The following LINGO2 variants were observed in gnomAD, a reference collection of about 807,000 sequenced individuals.
The protein encoded by LINGO2 is leucine rich repeat and Ig domain containing 2, also known as leucine-rich repeat and immunoglobulin-like domain-containing nogo receptor-interacting protein 2.
LINGO2 carries 14 observed loss-of-function variants against 30.6 expected under a neutral mutation model. The ratio of observed to expected loss-of-function variants is 0.46; its 90% confidence interval spans 0.30 to 0.72. The LOEUF (loss-of-function observed/expected upper bound fraction) is 0.72, where lower values mean the gene tolerates loss of function less well. LINGO2 is among the 30% of genes least tolerant of loss of function. The pLI, the probability that LINGO2 is intolerant of heterozygous loss-of-function variation, is 0.07. For synonymous variants in LINGO2, 317 were observed against 288.5 expected, an observed-to-expected ratio of 1.10 and a Z score of -1.00; for missense variants, 729 against 751.7, an observed-to-expected ratio of 0.97 and a Z score of 0.35.
At chr9:28,899,431 C>A in the LINGO2 span, among the ~76,000 whole-genome samples, 1 of 152,200 alleles carries the variant, frequency 6.6e-6, no homozygotes, top group Non-Finnish European at 1.5e-5. Flanking sequence ...CAGGCCTTCT[C>A]CAGGGTTAGG....
the LINGO2 span, among the ~76,000 whole-genome samples, chr9:28,962,173 A>C: frequency 6.6e-6 from 1 of 152,134 alleles, no homozygotes; most frequent in African/African-American, 2.4e-5. Context: ...ATTTCCTAAA[A>C]AGATTAGCCA....
chr9:28,948,844 A>T, the LINGO2 span, among the ~76,000 whole-genome samples: 1 of 151,998 alleles, frequency 6.6e-6, no homozygotes, highest in Non-Finnish European at 1.5e-5. Flanking sequence ...GCACTCTCTT[A>T]GTGCGTTCCT....
chr9:28,562,306 A>T (rs374389514), intron 1 of LINGO2, among the ~76,000 whole-genome samples: 280 of 151,988 alleles, frequency 1.8e-3, no homozygotes, highest in Admixed American at 3.3e-3. Context: ...TCTATTGGTG[A>T]ATTATTCTCA....
intron 1 of LINGO2, among the ~76,000 whole-genome samples, chr9:28,491,860 G>A (rs1489291758): frequency 1.3e-5 from 2 of 152,192 alleles, no homozygotes; most frequent in South Asian, 2.1e-4. Flanking sequence ...AATCTTATGA[G>A]TAAAAATACT....
chr9:28,205,167 T>A (rs1266778599), intron 4 of LINGO2, among the ~76,000 whole-genome samples: 3 of 152,216 alleles, frequency 2.0e-5, no homozygotes, highest in Non-Finnish European at 2.9e-5. Context: ...TTTAAGCGAT[T>A]TAAGAAATAT....
At chr9:28,153,869 G>A (rs905519638) in intron 4 of LINGO2, among the ~76,000 whole-genome samples, 4 of 152,130 alleles carry the variant, frequency 2.6e-5, no homozygotes, top group African/African-American at 7.2e-5. Flanking sequence ...GAAAAAAGAT[G>A]AGCATGATTA....
intron 2 of LINGO2, among the ~76,000 whole-genome samples, chr9:28,470,676 C>T (rs1825483541): frequency 6.6e-6 from 1 of 152,006 alleles, no homozygotes; most frequent in Non-Finnish European, 1.5e-5. Flanking sequence ...CATCGCCATT[C>T]AGCTGTGATT....
chr9:29,110,816 A>G, the LINGO2 span, among the ~76,000 whole-genome samples: 1 of 149,484 alleles, frequency 6.7e-6, no homozygotes, highest in Non-Finnish European at 1.5e-5. Flanking sequence ...TCAGCCTCCC[A>G]AGTAGTTGGG....
chr9:28,540,169 T>C (rs1821614007), intron 1 of LINGO2, among the ~76,000 whole-genome samples: 1 of 152,114 alleles, frequency 6.6e-6, no homozygotes, highest in African/African-American at 2.4e-5. Context: ...ATAACCATCA[T>C]GGAAGGCTAC....
the LINGO2 span, among the ~76,000 whole-genome samples, chr9:28,745,501 C>T: frequency 9.3e-3 from 1,422 of 152,130 alleles, 39 homozygotes; most frequent in African/African-American, 0.032. Context: ...AAATGAATGT[C>T]TTTACATGTG....
At chr9:28,900,972 A>G in the LINGO2 span, among the ~76,000 whole-genome samples, 36 of 152,232 alleles carry the variant, frequency 2.4e-4, no homozygotes, top group Admixed American at 9.2e-4. Context: ...TTTTAAAAAA[A>G]TCAAACACAA....
chr9:28,699,492 T>C, the LINGO2 span, among the ~76,000 whole-genome samples: 3 of 152,068 alleles, frequency 2.0e-5, no homozygotes, highest in African/African-American at 7.2e-5. Context: ...GGGTTAACTG[T>C]ACAAATTGAT....
At chr9:28,797,936 A>G in the LINGO2 span, among the ~76,000 whole-genome samples, 12 of 152,028 alleles carry the variant, frequency 7.9e-5, no homozygotes, top group Non-Finnish European at 1.6e-4. Context: ...CAGGAGAAAA[A>G]CCAGGAGAAT....
the LINGO2 span, among the ~76,000 whole-genome samples, chr9:28,989,421 A>C: frequency 1.3e-5 from 2 of 152,246 alleles, no homozygotes; most frequent in Non-Finnish European, 2.9e-5. Context: ...ATTTACATTC[A>C]CTGCAGAACT....
At chr9:28,703,070 C>T in the LINGO2 span, among the ~76,000 whole-genome samples, 55,443 of 151,230 alleles carry the variant, frequency 0.37, 11,447 homozygotes, top group African/African-American at 0.54. Flanking sequence ...TGAAAAACTA[C>T]GTTTTTGTCT....
intron 4 of LINGO2, among the ~76,000 whole-genome samples, chr9:28,182,430 A>C (rs958043392): frequency 6.6e-6 from 1 of 152,250 alleles, no homozygotes; most frequent in African/African-American, 2.4e-5. Context: ...GAAAATGCCA[A>C]AAGCAATTGC....
chr9:28,609,895 T>C (rs1483033873), intron 1 of LINGO2, among the ~76,000 whole-genome samples: 1 of 152,286 alleles, frequency 6.6e-6, no homozygotes, highest in Middle Eastern at 3.4e-3. Flanking sequence ...CTGCATAAAA[T>C]ACGTGGCACC....
chr9:29,074,366 T>C, the LINGO2 span, among the ~76,000 whole-genome samples: 1 of 152,152 alleles, frequency 6.6e-6, no homozygotes, highest in Non-Finnish European at 1.5e-5. Flanking sequence ...AATTATATTT[T>C]GCATAAAAAG....
chr9:28,769,979 T>C, the LINGO2 span, among the ~76,000 whole-genome samples: 1 of 152,092 alleles, frequency 6.6e-6, no homozygotes, highest in Non-Finnish European at 1.5e-5. Context: ...TCTGTTGTTT[T>C]AAGGTAGTTT....
Sources: allele counts gnomAD v4.1 joint callset (sites outside exome capture counted in the v4.1 genomes callset), GRCh38; gene constraint gnomAD v4.1.1; transcripts MANE v1.5; gene names NCBI Gene and HGNC (gene_info 2026-07-23, HGNC 2026-07-21).